The following WNT10A variants were observed in gnomAD, a reference collection of about 807,000 sequenced individuals.
The protein encoded by WNT10A is protein Wnt-10a.
A neutral mutation model predicts 36.1 loss-of-function variants in WNT10A; 37 were observed. The ratio of observed to expected loss-of-function variants is 1.02; its 90% CI spans 0.79 to 1.35. The LOEUF (loss-of-function observed/expected upper bound fraction) is 1.35, where lower values mean the gene tolerates loss of function less well. WNT10A is among the 40% of genes most tolerant of loss of function. The pLI is 0.00. For missense variants in WNT10A, 613 were observed against 601.4 expected (o/e 1.02, Z -0.20); for synonymous variants, 255 against 254.1 (o/e 1.00, Z -0.03).
At chr2:218,889,913 A>C in intron 2 of WNT10A, 71 bp from the exon 3 acceptor site, 3 of 1,606,982 alleles carry the variant, frequency 1.9e-6, no homozygotes, top group South Asian at 2.2e-5. Flanking sequence ...TGGAATGATG[A>C]GAAAGGTGGG....
chr2:218,883,616 G>A (rs1264407601), intron 2 of WNT10A, among the ~76,000 whole-genome samples: 1 of 145,736 alleles, frequency 6.9e-6, no homozygotes, highest in Non-Finnish European at 1.5e-5. Flanking sequence ...GCCGAGCCCA[G>A]CCCGACGCGT....
chr2:218,878,443 T>C (rs1259506867), upstream of WNT10A, among the ~76,000 whole-genome samples: 1 of 152,128 alleles, frequency 6.6e-6, no homozygotes, highest in Non-Finnish European at 1.5e-5. This position sits in a 1 kb window ranked among gnomAD's most constrained non-coding sequence, Gnocchi z 4.1. Flanking sequence ...TTTGCACCTC[T>C]GTATTTCACA....
chr2:218,880,967 C>CA lies in WNT10A; in HGVS notation c.-28dup. The stretch of plus-strand genomic sequence containing the variant: ...CAGTCCCACTGGGCTGTGAGCCCCC[C>CA]ACTCCCAGCCCGTCAGGGCCTGCGC... On this transcript the variant is annotated 5_prime_UTR_variant, in exon 1 of 4. Coordinates refer to ENST00000258411, the MANE Select transcript of WNT10A (RefSeq NM_025216.3). The surrounding 1 kb of genome is among the most constrained non-coding windows in gnomAD (Gnocchi z 7.7). 1 of 1,551,168 alleles carries CA rather than the reference C, an allele frequency of 6.4e-7. No homozygotes were observed. The highest frequency in any genetic ancestry group is 1.2e-5 in the South Asian group (1 of 84,474).
upstream of WNT10A, among the ~76,000 whole-genome samples, chr2:218,878,947 G>C (rs958547182): frequency 1.3e-5 from 2 of 152,130 alleles, no homozygotes; most frequent in African/African-American, 2.4e-5. This position sits in a 1 kb window ranked among gnomAD's most constrained non-coding sequence, Gnocchi z 4.1. Flanking sequence ...AGCTGTCCCC[G>C]TTTCTGCAGC....
rs1202138138 is a variant in WNT10A, at chr2:218,880,928, C to G, written c.-68C>G. 1 of 1,476,060 alleles carries G rather than the reference C, an allele frequency of 6.8e-7. No individual in the cohort carries two copies. Among genetic ancestry groups the G allele is most frequent in the African/African-American group, 1.5e-5 (1 of 68,576 alleles). 91.4% of individuals were successfully genotyped at this position (1,476,060 alleles called of 1,614,324 possible). On this transcript the variant is annotated 5_prime_UTR_variant, in exon 1 of 4. Transcript: ENST00000258411. The surrounding 1 kb of genome is among the most constrained non-coding windows in gnomAD (Gnocchi z 7.7). ...CGACCCCCCGCCGATCATGCGCCGGCGCCCCTGGCTCTCCAGTCCCACTGG... is the reference window on the plus strand; with the variant it reads ...CGACCCCCCGCCGATCATGCGCCGGGGCCCCTGGCTCTCCAGTCCCACTGG...
intron 2 of WNT10A, among the ~76,000 whole-genome samples, 169 bp downstream of exon 2, chr2:218,882,592 G>A (rs1405921756): frequency 6.6e-6 from 1 of 152,172 alleles, no homozygotes; most frequent in African/African-American, 2.4e-5. Context: ...AGGCCATGGG[G>A]GCAGAGAAAT....
At position 218,890,213 on chromosome 2, in the gene WNT10A, C is replaced by G. The variant is rs1428675922; in HGVS notation, c.606C>G (p.Ser202Arg). The G allele has an allele frequency of 1.9e-6, 3 of 1,614,034 alleles. 1 individual carries two copies. In the South Asian group the frequency reaches 3.3e-5, roughly 18 times the overall value. Residue 202 changes from serine to arginine, a missense_variant, in exon 3 of 4, where the codon AGC (serine) becomes AGG (arginine). Ser to Arg is a moderately radical substitution (Grantham distance 110, BLOSUM62 -1). Coordinates refer to ENST00000258411, the MANE Select transcript of WNT10A (RefSeq NM_025216.3). Reference protein sequence around the residue: ...VPEHPALPTASPGLQDSWEWG... With the variant: ...VPEHPALPTARPGLQDSWEWG... ...AACACCCAGCCCTGCCCACAGCCAG[C>G]CCAGGCCTGCAGGACTCCTGGGAGT...
At chr2:218,882,123 C>T (rs755708534) in intron 1 of WNT10A, 38 bp from the exon 2 acceptor site, 2 of 1,602,440 alleles carry the variant, frequency 1.2e-6, no homozygotes, top group Non-Finnish European at 1.7e-6. Context: ...TCCTGGTCCC[C>T]CCAAAACACG....
intron 2 of WNT10A, among the ~76,000 whole-genome samples, chr2:218,884,635 C>T (rs1320263250): frequency 6.6e-6 from 1 of 152,210 alleles, no homozygotes. Context: ...CACCACTGCA[C>T]CCCTGACTCC....
chr2:218,890,387 G>C (rs772805551), intron 3 of WNT10A, 24 bp downstream of exon 3: 17 of 1,599,100 alleles, frequency 1.1e-5, no homozygotes, highest in Middle Eastern at 3.3e-4. Flanking sequence ...CCCTGGGTCT[G>C]CTTCAAATCT....
chr2:218,874,881 C>T, the WNT10A span, among the ~76,000 whole-genome samples: 5,667 of 152,218 alleles, frequency 0.037, 381 homozygotes, highest in African/African-American at 0.13. Context: ...AACAAACAAC[C>T]CCAAAGTAAT....
chr2:218,885,339 G>C (rs1944566288), intron 2 of WNT10A, among the ~76,000 whole-genome samples: 1 of 152,242 alleles, frequency 6.6e-6, no homozygotes, highest in Admixed American at 6.5e-5. Context: ...AACCTAGATG[G>C]TTGGTTCCTG....
In WNT10A at chr2:218,892,947, G is replaced by A. The variant is rs2106018391; in HGVS notation, c.930G>A (p.Leu310=). Residue 310 remains leucine, a synonymous_variant, in exon 4 of 4, where the codon CTG becomes CTA. Transcript: ENST00000258411. The part of the protein sequence containing the change: ...IRPHNRNGGQ[L]EPGPAGAPSP... Reference sequence around the variant, plus strand: ...CGCACAACCGCAACGGCGGCCAGCTGGAGCCGGGCCCAGCGGGGGCACCCT... The same window carrying A: ...CGCACAACCGCAACGGCGGCCAGCTAGAGCCGGGCCCAGCGGGGGCACCCT... The A allele has an allele frequency of 1.4e-6, 2 of 1,457,388 alleles. No individual in the cohort carries two copies. Among genetic ancestry groups the A allele is most frequent in the Non-Finnish European group, 1.8e-6 (2 of 1,109,158 alleles). The allele number at this position is 1,457,388 out of a possible 1,614,324, so 90.3% of individuals were successfully genotyped here.
chr2:218,878,540 G>A (rs181949454), upstream of WNT10A, among the ~76,000 whole-genome samples: 12 of 152,246 alleles, frequency 7.9e-5, no homozygotes, highest in East Asian at 1.4e-3. The surrounding 1 kb of genome is among the most constrained non-coding windows in gnomAD (Gnocchi z 4.1). Flanking sequence ...GGTCAGCAGC[G>A]TTTCCCAAAA....
chr2:218,888,970 G>T (rs767658184), intron 2 of WNT10A, among the ~76,000 whole-genome samples: 1 of 152,162 alleles, frequency 6.6e-6, no homozygotes, highest in Non-Finnish European at 1.5e-5. Flanking sequence ...GATGGTGTTT[G>T]GTTACATGAA....
At position 218,890,341 on chromosome 2, in the gene WNT10A, A is replaced by G. The variant is rs758670077; in HGVS notation, c.734A>G (p.His245Arg). The G allele has an allele frequency of 6.2e-7, 1 of 1,600,342 alleles. No homozygotes were observed. Among genetic ancestry groups the G allele is most frequent in the East Asian group, 2.2e-5 (1 of 44,870 alleles). Residue 245 changes from histidine (H) to arginine (R), a missense_variant, in exon 3 of 4, where the codon CAC becomes CGC. Transcript: ENST00000258411. Reference protein sequence around the residue: ...HRDIHARMRLHNNRVGRQAVM... With the variant: ...HRDIHARMRLRNNRVGRQAVM... ...GACATCCACGCGAGAATGAGGCTTC[A>G]CAACAACCGAGTTGGGAGGCAGGTG...
In WNT10A at chr2:218,893,058, G is replaced by A; in HGVS notation, c.1041G>A (p.Glu347=). The A allele has an allele frequency of 6.3e-7, 1 of 1,596,456 alleles. No individual in the cohort carries two copies. Among genetic ancestry groups the A allele is most frequent in the Non-Finnish European group, 8.5e-7 (1 of 1,179,120 alleles). Residue 347 remains glutamate (E), a synonymous_variant, in exon 4 of 4, where the codon GAG becomes GAA. Coordinates refer to ENST00000258411, the MANE Select transcript of WNT10A (RefSeq NM_025216.3). This position sits in a 1 kb window ranked among gnomAD's most constrained non-coding sequence, Gnocchi z 6.3. ...TCGAAAAGTCTCCCGACTTCTGCGA[G>A]CGCGAGCCGCGCCTGGACTCGGCGG... is the stretch of plus-strand genomic sequence containing the variant. ...VYFEKSPDFC[E]REPRLDSAGT...
intron 1 of WNT10A, among the ~76,000 whole-genome samples, chr2:218,881,364 G>C (rs1004338434): frequency 2.6e-5 from 4 of 152,144 alleles, no homozygotes; most frequent in Non-Finnish European, 5.9e-5. Context: ...GTGTGTGGGG[G>C]GGGAGCAAGT....
In WNT10A at chr2:218,892,874, T is replaced by C; in HGVS notation, c.857T>C (p.Val286Ala). 1 of 1,575,020 alleles carries C rather than the reference T, an allele frequency of 6.3e-7. No individual in the cohort carries two copies. The highest frequency in any genetic ancestry group is 1.9e-4 in the Middle Eastern group (1 of 5,154). Residue 286 changes from valine (V) to alanine (A), a missense_variant, in exon 4 of 4, where the codon GTG becomes GCG. By Grantham distance (64) the Val-to-Ala change is moderately conservative. Transcript: ENST00000258411. ...CAGGTGACGCCCGAGTTCCGCACCG[T>C]GGGGGCGCTGCTGCGCAGCCGCTTC... is the stretch of plus-strand genomic sequence containing the variant. ...CWQVTPEFRTVGALLRSRFHR... is the reference protein window; with the variant it reads ...CWQVTPEFRTAGALLRSRFHR...
Sources: gnomAD v4.1 joint callset for allele counts (sites outside exome capture counted in the v4.1 genomes callset) on GRCh38, gnomAD v4.1.1 for gene constraint, Gnocchi (gnomAD v3.1) non-coding constraint, MANE v1.5 for transcripts, NCBI Gene and HGNC (gene_info 2026-07-23, HGNC 2026-07-21) for gene names.